TRPM7: variants seen among roughly 807,000 people sequenced by gnomAD.
The protein encoded by TRPM7 is LTRPC ion channel family member 7.
A neutral mutation model predicts 229.7 loss-of-function variants in TRPM7; 134 were observed. That is an observed-to-expected ratio of 0.58 (90% CI 0.51 to 0.67). TRPM7 has a LOEUF of 0.67. TRPM7 is among the 30% of genes least tolerant of loss of function. The probability of loss-of-function intolerance (pLI) is 0.00; values close to 1 mark genes in which losing one functional copy is unlikely to be tolerated. For synonymous variants in TRPM7, 699 were observed against 715.2 expected (o/e 0.98, Z 0.36); for missense variants, 1,901 against 2,210.0 (o/e 0.86, Z 2.80).
chr15:50,635,351 T>C (rs1380431492), intron 7 of TRPM7, among the ~76,000 whole-genome samples: 1 of 127,314 alleles, frequency 7.9e-6, no homozygotes, highest in Non-Finnish European at 1.7e-5. Context: ...AAAAAGACTG[T>C]CTCAAATGCC....
intron 1 of TRPM7, among the ~76,000 whole-genome samples, chr15:50,681,402 T>G (rs1314472401): frequency 1.3e-5 from 2 of 152,148 alleles, no homozygotes; most frequent in Non-Finnish European, 1.5e-5. Context: ...TTCCGGGTAC[T>G]GGGTATGATA....
intron 1 of TRPM7, among the ~76,000 whole-genome samples, chr15:50,674,990 C>T (rs560327200): frequency 1.3e-5 from 2 of 152,258 alleles, no homozygotes; most frequent in South Asian, 4.1e-4. Flanking sequence ...CTCCCATACT[C>T]ACAGATTTTT....
Position 50,619,658 on chromosome 15 carries a change from T to C in TRPM7, c.1494+87A>G, listed in dbSNP as rs531304066. The C allele has an allele frequency of 6.2e-6, 7 of 1,135,476 alleles. No individual in the cohort carries two copies. The South Asian group carries it at 9.5e-5, about 15-fold the overall frequency. 70.3% of individuals were successfully genotyped at this position (1,135,476 alleles called of 1,614,324 possible). On this transcript the variant is annotated intron_variant, in intron 13 of 38. Coordinates refer to ENST00000646667, the MANE Select transcript of TRPM7 (RefSeq NM_017672.6). ...TAATTTTATTGGTATTTCTAAAATG[T>C]ATTTAAATGATTTTTTTTTTAAAAA...
chr15:50,649,595 C>T (rs1423275480), intron 3 of TRPM7, among the ~76,000 whole-genome samples: 4 of 152,060 alleles, frequency 2.6e-5, no homozygotes, highest in Admixed American at 2.0e-4. Context: ...TATGATTCCA[C>T]GTATACAAAA....
rs2062367362 is a variant in TRPM7 at position 50,686,699 on chromosome 15, C to T, written c.-166G>A. 5 of 876,648 alleles carry T rather than the reference C, an allele frequency of 5.7e-6. No individual in the cohort carries two copies. Among genetic ancestry groups the T allele is most frequent in the South Asian group, 1.8e-5 (1 of 55,418 alleles). 54.3% of individuals were successfully genotyped at this position (876,648 alleles called of 1,614,324 possible). ...ACTAACTCAGCTCCGGCGCTAGCAG[C>T]AGAAGCCGAGTCTTTCATAATTGTG... On this transcript the variant is annotated 5_prime_UTR_variant, in exon 1 of 39. Transcript: ENST00000646667.
At chr15:50,658,655 C>T (rs927431264) in intron 2 of TRPM7, among the ~76,000 whole-genome samples, 6 of 151,800 alleles carry the variant, frequency 4.0e-5, no homozygotes, top group Admixed American at 2.6e-4. Flanking sequence ...TTATATAATC[C>T]CTATGGAAGG....
intron 3 of TRPM7, among the ~76,000 whole-genome samples, chr15:50,650,451 T>C (rs935392462): frequency 2.0e-5 from 3 of 152,104 alleles, no homozygotes; most frequent in Non-Finnish European, 4.4e-5. Flanking sequence ...TCCCAGCACC[T>C]TGGGAAGCCA....
intron 1 of TRPM7, among the ~76,000 whole-genome samples, chr15:50,669,566 A>C (rs1408805580): frequency 6.6e-6 from 1 of 152,238 alleles, no homozygotes; most frequent in Non-Finnish European, 1.5e-5. Context: ...CACTTTATAC[A>C]AATAATCTGG....
At position 50,650,128 on chromosome 15, in the gene TRPM7, G is replaced by A. The variant is rs531010268; in HGVS notation, c.123-1243C>T. ...GAATCACTTGAACCTGGGAGGCGCA[G>A]ACCACAGTGAGCAGAGATTGGGCCA... On this transcript the variant is annotated intron_variant, in intron 3 of 38. Transcript: ENST00000646667. Among the ~76,000 whole-genome samples, 6 of 137,984 alleles carry A rather than the reference G, an allele frequency of 4.3e-5. No homozygotes were observed. The East Asian group carries it at 1.4e-3, about 31-fold the overall frequency. 90.5% of individuals were successfully genotyped at this position (137,984 alleles called of 152,430 possible). A position where few individuals can be genotyped will look rare whatever the true frequency, so the allele number is the denominator to read the frequency against.
intron 11 of TRPM7, among the ~76,000 whole-genome samples, chr15:50,626,949 A>G (rs971484753): frequency 6.6e-6 from 1 of 152,208 alleles, no homozygotes; most frequent in African/African-American, 2.4e-5. Context: ...TTGTACATTC[A>G]TAAGGAGAAT....
intron 3 of TRPM7, among the ~76,000 whole-genome samples, chr15:50,649,615 C>A (rs752262354): frequency 6.6e-6 from 1 of 152,026 alleles, no homozygotes; most frequent in Non-Finnish European, 1.5e-5. Context: ...ATTCAAGAAA[C>A]CGTGAACTAA....
intron 11 of TRPM7, among the ~76,000 whole-genome samples, chr15:50,625,923 T>C (rs1479891011): frequency 7.7e-6 from 1 of 129,120 alleles, no homozygotes; most frequent in African/African-American, 2.6e-5. Context: ...CTATTTTACT[T>C]AAGATTATTT....
At chr15:50,659,424 A>T (rs1199807074) in intron 2 of TRPM7, among the ~76,000 whole-genome samples, 1 of 152,200 alleles carries the variant, frequency 6.6e-6, no homozygotes, top group Admixed American at 6.5e-5. Flanking sequence ...TTTCACTTAC[A>T]GCATTTGGTA....
chr15:50,668,772 T>G (rs568591449), intron 1 of TRPM7, among the ~76,000 whole-genome samples: 2 of 152,244 alleles, frequency 1.3e-5, no homozygotes, highest in Admixed American at 6.5e-5. Context: ...CCTCCCAAAG[T>G]GCTGGGATTA....
At chr15:50,604,831 A>C in intron 21 of TRPM7, 35 bp downstream of exon 21, 1 of 1,512,274 alleles carries the variant, frequency 6.6e-7, no homozygotes, top group South Asian at 1.4e-5. Context: ...AAAATCAATA[A>C]ACCCACGAGT....
At chr15:50,587,807 T>G (rs1000893560) in intron 27 of TRPM7, among the ~76,000 whole-genome samples, 1 of 152,214 alleles carries the variant, frequency 6.6e-6, no homozygotes, top group South Asian at 2.1e-4. Flanking sequence ...CTAAAACTTA[T>G]GAAAGTCCAT....
intron 1 of TRPM7, among the ~76,000 whole-genome samples, chr15:50,683,233 T>TAA (rs35418906): frequency 6.8e-6 from 1 of 147,916 alleles, no homozygotes; most frequent in Non-Finnish European, 1.5e-5. Flanking sequence ...GGCAGTCACT[T>TAA]AAAAAAAAAA....
At chr15:50,618,809 A>G (rs1205389110) in intron 13 of TRPM7, among the ~76,000 whole-genome samples, 1 of 151,958 alleles carries the variant, frequency 6.6e-6, no homozygotes, top group Non-Finnish European at 1.5e-5. Flanking sequence ...TCCAATGTCT[A>G]TCATTCCACT....
intron 31 of TRPM7, 90 bp downstream of exon 31, chr15:50,578,549 A>T (rs1425724040): frequency 7.5e-7 from 1 of 1,341,638 alleles, no homozygotes; most frequent in Non-Finnish European, 1.0e-6. Context: ...TGAAGTCTAA[A>T]ATATCTTACC....
Sources: gnomAD v4.1 joint callset for allele counts (sites outside exome capture counted in the v4.1 genomes callset) on GRCh38, gnomAD v4.1.1 for gene constraint, MANE v1.5 for transcripts, NCBI Gene and HGNC (gene_info 2026-07-23, HGNC 2026-07-21) for gene names.